The following FCHO1 variants were observed in gnomAD, a reference collection of about 807,000 sequenced individuals.
FCHO1 encodes FCH and mu domain containing endocytic adaptor 1.
A neutral mutation model predicts 114.4 loss-of-function variants in FCHO1; 45 were observed. The ratio of observed to expected loss-of-function variants is 0.39; its 90% CI spans 0.31 to 0.50. FCHO1 has a LOEUF of 0.50. Ranked by LOEUF, FCHO1 falls within the 20% of genes least tolerant of loss-of-function variation. The pLI is 0.77. For missense variants in FCHO1, 1,042 were observed against 1,209.6 expected (o/e 0.86, Z 2.06); for synonymous variants, 480 against 488.9 (o/e 0.98, Z 0.24).
upstream of FCHO1, among the ~76,000 whole-genome samples, chr19:17,749,382 CTG>C (rs1368151600): frequency 6.6e-6 from 1 of 152,082 alleles, no homozygotes; most frequent in Non-Finnish European, 1.5e-5. Context: ...GGAGGAAGCT[CTG>C]TAAATACAGA....
chr19:17,763,186 T>C (rs1406060928), intron 5 of FCHO1, among the ~76,000 whole-genome samples: 1 of 150,242 alleles, frequency 6.7e-6, no homozygotes, highest in Non-Finnish European at 1.5e-5. Flanking sequence ...AGCCTCGAAC[T>C]CCTGAGTTCA....
chr19:17,785,870 G>A (rs1029968911), intron 26 of FCHO1, among the ~76,000 whole-genome samples: 15 of 150,928 alleles, frequency 9.9e-5, no homozygotes, highest in Non-Finnish European at 8.8e-5. Flanking sequence ...GTGTGCTCTT[G>A]TAGTCCCAGC....
rs2147016648 is a variant in FCHO1 at position 17,772,510 on chromosome 19, C to T, written c.648C>T (p.Gly216=). The T allele has an allele frequency of 7.4e-6, 12 of 1,614,128 alleles. No homozygotes were observed. Among genetic ancestry groups the T allele is most frequent in the Non-Finnish European group, 9.3e-6 (11 of 1,180,016 alleles). The stretch of plus-strand genomic sequence containing the variant: ...TGAGGCACATGAAGGCACTGCTGGG[C>T]TCATATGCTCACTCGGTGGAGGACA... ...THLRHMKALL[G]SYAHSVEDTH... The change falls in exon 10 of 29, where the codon GGC becomes GGT. Residue 216 remains glycine (G), a synonymous_variant. Transcript: ENST00000596536.
intron 5 of FCHO1, 33 bp from the exon 6 acceptor site, chr19:17,764,342 G>A: frequency 6.2e-7 from 1 of 1,610,080 alleles, no homozygotes; most frequent in Non-Finnish European, 8.5e-7. Flanking sequence ...CGCCCGGGCA[G>A]TTTCTCCATC....
At chr19:17,777,451 G>A (rs1217481683) in intron 18 of FCHO1, among the ~76,000 whole-genome samples, 2 of 142,418 alleles carry the variant, frequency 1.4e-5, no homozygotes, top group African/African-American at 2.6e-5. Context: ...CAGGAGAATC[G>A]CTTGAACCTG....
In FCHO1 at chr19:17,775,614, T is replaced by C; in HGVS notation, c.1003+101T>C. 1 of 1,127,262 alleles carries C rather than the reference T, an allele frequency of 8.9e-7. No individual in the cohort carries two copies. The highest frequency in any genetic ancestry group is 2.4e-5 in the East Asian group (1 of 42,132). The allele number at this position is 1,127,262 out of a possible 1,614,324, so 69.8% of individuals were successfully genotyped here. A position where few individuals can be genotyped will look rare whatever the true frequency, so the allele number is the denominator to read the frequency against. ...TCAGCAGTCCTCTCTGTGTACATCC[T>C]GGAGAGAGTCTCCTTTGTGGATGAA... On this transcript the variant is annotated intron_variant, in intron 15 of 28. Coordinates refer to ENST00000596536, the MANE Select transcript of FCHO1 (RefSeq NM_015122.3). This position sits in a 1 kb window ranked among gnomAD's most constrained non-coding sequence, Gnocchi z 5.1.
Position 17,755,114 on chromosome 19 carries a change from T to G in FCHO1, c.-47-4T>G, listed in dbSNP as rs1270216070. On this transcript the variant is annotated splice_region_variant and splice_polypyrimidine_tract_variant and intron_variant, in intron 3 of 28. Transcript: ENST00000596536. ...CTGTAGCTCAAACTTGCCTCTCTCT[T>G]CAGACAGGCACTGGACGGGGCCTGC... 2.3e-5 allele frequency: 36 copies of G among 1,589,186 alleles called. No homozygotes were observed. Among genetic ancestry groups the G allele is most frequent in the Non-Finnish European group, 3.1e-5 (36 of 1,157,534 alleles).
At chr19:17,751,295 C>T (rs1485518935), upstream of FCHO1, among the ~76,000 whole-genome samples, 1 of 152,180 alleles carries the variant, frequency 6.6e-6, no homozygotes, top group Non-Finnish European at 1.5e-5. This position sits in a 1 kb window ranked among gnomAD's most constrained non-coding sequence, Gnocchi z 4.4. Context: ...AATATTTGTT[C>T]GGTAAGAACA....
rs141666201 is a variant in FCHO1 at position 17,787,740 on chromosome 19, C to T, written c.2541C>T (p.Pro847=). 49 of 1,592,518 alleles carry T rather than the reference C, an allele frequency of 3.1e-5. No homozygotes were observed. The East Asian group carries it at 5.2e-4, about 17-fold the overall frequency. Reference sequence around the variant, plus strand: ...TCTCAGGGCCCAGCACACCCAGCCCCGTGGCTGCACAGTTCACCAGCGAGG... The same window carrying T: ...TCTCAGGGCCCAGCACACCCAGCCCTGTGGCTGCACAGTTCACCAGCGAGG... ...EPLSGPSTPS[P]VAAQFTSEGT... Residue 847 remains proline (P), a synonymous_variant, in exon 28 of 29, where the codon CCC becomes CCT. Transcript: ENST00000596536.
chr19:17,753,793 A>T (rs1225419747), intron 1 of FCHO1: 4 of 152,292 alleles, frequency 2.6e-5, no homozygotes, highest in African/African-American at 9.6e-5. Context: ...CAGCCTCCCA[A>T]GTAGCTGGGA....
chr19:17,759,284 G>A (rs373497983), intron 4 of FCHO1, among the ~76,000 whole-genome samples: 5 of 142,932 alleles, frequency 3.5e-5, no homozygotes, highest in Non-Finnish European at 4.5e-5. Context: ...GTGCAGTGGC[G>A]GGATCTCAGC....
chr19:17,758,689 C>G (rs1296691814), intron 4 of FCHO1: 2 of 152,214 alleles, frequency 1.3e-5, no homozygotes, highest in East Asian at 1.9e-4. Flanking sequence ...CTTCAGGCTT[C>G]TGGCCAAGTG....
At chr19:17,781,587 T>C in intron 22 of FCHO1, 48 bp downstream of exon 22, 2 of 1,599,020 alleles carry the variant, frequency 1.3e-6, no homozygotes, top group Non-Finnish European at 1.7e-6. Flanking sequence ...AGTGTCACCT[T>C]CTCTGGTCTG....
chr19:17,758,468 G>T (rs988688598), intron 4 of FCHO1, among the ~76,000 whole-genome samples: 1 of 152,182 alleles, frequency 6.6e-6, no homozygotes, highest in Non-Finnish European at 1.5e-5. Context: ...CTAGGAAGAA[G>T]CTAGGAGATG....
chr19:17,762,448 A>G (rs549523131), intron 4 of FCHO1, among the ~76,000 whole-genome samples: 3 of 152,290 alleles, frequency 2.0e-5, no homozygotes, highest in African/African-American at 7.2e-5. Flanking sequence ...CAGAAACGGC[A>G]GAGAGACTCA....
intron 7 of FCHO1, among the ~76,000 whole-genome samples, chr19:17,768,682 A>C (rs1260215194): frequency 6.8e-6 from 1 of 147,494 alleles, no homozygotes; most frequent in East Asian, 2.0e-4. Context: ...CAACAGAGTG[A>C]GACTCTGTCT....
intron 13 of FCHO1, 81 bp downstream of exon 13, chr19:17,774,559 C>T: frequency 9.0e-7 from 1 of 1,114,444 alleles, no homozygotes; most frequent in Non-Finnish European, 1.3e-6. Flanking sequence ...GAAGTCCCCT[C>T]CTAGGATAGC....
intron 13 of FCHO1, chr19:17,774,797 T>C: frequency 1.7e-6 from 1 of 583,578 alleles, no homozygotes; most frequent in Non-Finnish European, 3.0e-6. Flanking sequence ...CGACTTTCCC[T>C]ATCTTCACAA....
Position 17,787,688 on chromosome 19 carries a change from G to A in FCHO1, c.2489G>A (p.Gly830Asp). 1 of 1,556,608 alleles carries A rather than the reference G, an allele frequency of 6.4e-7. No individual in the cohort carries two copies. The highest frequency in any genetic ancestry group is 8.7e-7 in the Non-Finnish European group (1 of 1,150,416). ...LPDVSEAGGS[G>D]RLSASWEPLS... Reference sequence around the variant, plus strand: ...TGACTGCAGGTCTCCCCAGGTTCTGGCCGCCTCTCTGCCAGCTGGGAGCCG... The same window carrying A: ...TGACTGCAGGTCTCCCCAGGTTCTGACCGCCTCTCTGCCAGCTGGGAGCCG... Residue 830 changes from glycine (G) to aspartate (D), a missense_variant, in exon 28 of 29, where the codon GGC becomes GAC. Physicochemically the swap from Gly to Asp is moderately conservative, Grantham distance 94 (BLOSUM62 -1). Transcript: ENST00000596536.
Sources: gnomAD v4.1 joint callset for allele counts (sites outside exome capture counted in the v4.1 genomes callset) on GRCh38, gnomAD v4.1.1 for gene constraint, Gnocchi (gnomAD v3.1) non-coding constraint, MANE v1.5 for transcripts, NCBI Gene and HGNC (gene_info 2026-07-23, HGNC 2026-07-21) for gene names.